The following CDH8 variants were observed in gnomAD, a reference collection of about 807,000 sequenced individuals.
CDH8 encodes the protein cadherin-8.
Under a neutral mutation model 68.1 loss-of-function variants are expected in CDH8, and 17 were observed. That is an observed-to-expected ratio of 0.25 (90% confidence interval 0.17 to 0.37). The LOEUF is 0.37. Among genes scored for constraint, CDH8 ranks in the 10% least tolerant of loss-of-function variants. The pLI is 1.00. For synonymous variants in CDH8, 372 were observed against 365.1 expected (o/e 1.02, Z -0.21); for missense variants, 763 against 999.3 (o/e 0.76, Z 3.19).
chr16:62,032,737 C>T (rs1043499282), intron 1 of CDH8, among the ~76,000 whole-genome samples: 3 of 152,098 alleles, frequency 2.0e-5, no homozygotes, highest in African/African-American at 4.8e-5. Flanking sequence ...GTTGGAAATA[C>T]GAATTGAATG....
At chr16:61,819,849 A>T (rs187205708) in intron 6 of CDH8, among the ~76,000 whole-genome samples, 1 of 152,226 alleles carries the variant, frequency 6.6e-6, no homozygotes, top group East Asian at 1.9e-4. Context: ...ATTTGAGAAC[A>T]AGCTAATCCA....
chr16:61,729,818 T>A (rs1959484020), intron 8 of CDH8, among the ~76,000 whole-genome samples: 1 of 151,448 alleles, frequency 6.6e-6, no homozygotes, highest in South Asian at 2.1e-4. Context: ...CTTAGAAAAC[T>A]GAAAGTATAA....
chr16:61,815,017 C>T (rs1033416244), intron 7 of CDH8, among the ~76,000 whole-genome samples: 2 of 152,090 alleles, frequency 1.3e-5, no homozygotes, highest in Non-Finnish European at 2.9e-5. Context: ...AATGACATGC[C>T]AAAGGCTGCT....
chr16:62,028,133 C>T (rs557467360), intron 1 of CDH8, among the ~76,000 whole-genome samples: 9 of 144,862 alleles, frequency 6.2e-5, no homozygotes, highest in African/African-American at 1.6e-4. Flanking sequence ...GGCACGATCT[C>T]GGCTCACTGC....
chr16:61,981,726 G>A (rs1342492649), intron 2 of CDH8, among the ~76,000 whole-genome samples: 1 of 151,774 alleles, frequency 6.6e-6, no homozygotes, highest in East Asian at 1.9e-4. Flanking sequence ...AATGAGAAAG[G>A]GATTCCTGGC....
At chr16:61,883,748 TACA>T (rs1299789081) in intron 3 of CDH8, among the ~76,000 whole-genome samples, 1 of 151,730 alleles carries the variant, frequency 6.6e-6, no homozygotes, top group Non-Finnish European at 1.5e-5. Context: ...AGCAGGGATT[TACA>T]ACAAGACCTC....
chr16:61,782,271 A>C (rs1485103198), intron 8 of CDH8, among the ~76,000 whole-genome samples: 3 of 152,210 alleles, frequency 2.0e-5, no homozygotes, highest in Admixed American at 6.5e-5. Flanking sequence ...GCATTGCCTC[A>C]CCTGGGAAGC....
Position 61,713,846 on chromosome 16 carries a change from T to A in CDH8, c.1649A>T (p.Asn550Ile). The change falls in exon 10 of 12, where the codon AAT becomes ATT. Residue 550 changes from asparagine to isoleucine, a missense_variant. By Grantham distance (149) the Asn-to-Ile change is moderately radical (BLOSUM62 -3). This residue lies in a region of CDH8 where 397 missense variants were observed against 436.2 expected (regional missense o/e 0.91). Transcript: ENST00000577390. The stretch of plus-strand genomic sequence containing the variant: ...CACAAAGCTAATATATTTACCTTCA[T>A]TTTTCTTGATGGTGAAATTCGGATT... ...VNNPNFTIKK[N>I]EDNSLSILAK... is the part of the protein sequence containing the mutation. The A allele has an allele frequency of 6.6e-7, 1 of 1,524,862 alleles. No individual in the cohort carries two copies. Among genetic ancestry groups the A allele is most frequent in the Non-Finnish European group, 9.1e-7 (1 of 1,099,876 alleles). The allele number at this position is 1,524,862 out of a possible 1,614,324, so 94.5% of individuals were successfully genotyped here. A position where few individuals can be genotyped will look rare whatever the true frequency, so the allele number is the denominator to read the frequency against.
chr16:61,777,850 T>C (rs1483635107), intron 8 of CDH8, among the ~76,000 whole-genome samples: 1 of 152,152 alleles, frequency 6.6e-6, no homozygotes, highest in Non-Finnish European at 1.5e-5. Flanking sequence ...TTCTTCCCTG[T>C]AGGAAATCAT....
chr16:61,856,103 T>G (rs138093910), intron 4 of CDH8, among the ~76,000 whole-genome samples: 14 of 152,254 alleles, frequency 9.2e-5, no homozygotes, highest in African/African-American at 3.4e-4. Context: ...GGGTAGTCTT[T>G]AAATTTTTAA....
chr16:61,740,869 T>A (rs535515843), intron 8 of CDH8, among the ~76,000 whole-genome samples: 24 of 152,186 alleles, frequency 1.6e-4, no homozygotes, highest in Non-Finnish European at 2.4e-4. Context: ...TGTCTTCTGA[T>A]GCAAAAATAT....
At chr16:61,960,347 AT>A (rs1965125469) in intron 2 of CDH8, among the ~76,000 whole-genome samples, 1 of 26,568 alleles carries the variant, frequency 3.8e-5, no homozygotes, top group Non-Finnish European at 6.8e-5. Flanking sequence ...ACATATATAC[AT>A]GTGTGTGTGT....
At chr16:61,761,705 T>C (rs1184203617) in intron 8 of CDH8, among the ~76,000 whole-genome samples, 1 of 152,108 alleles carries the variant, frequency 6.6e-6, no homozygotes, top group Non-Finnish European at 1.5e-5. Flanking sequence ...ATAACATTTT[T>C]ATAATGGCAA....
At chr16:61,934,330 A>G (rs1964593462) in intron 2 of CDH8, 1 of 146,782 alleles carries the variant, frequency 6.8e-6, no homozygotes, top group Admixed American at 6.8e-5. Flanking sequence ...AGCATAGCTT[A>G]TAACAACAAA....
intron 2 of CDH8, among the ~76,000 whole-genome samples, chr16:61,938,190 A>C (rs1398679591): frequency 6.6e-6 from 1 of 152,172 alleles, no homozygotes; most frequent in African/African-American, 2.4e-5. Flanking sequence ...AATGAAACAC[A>C]GATCTGTGTA....
At chr16:61,843,889 C>T (rs1056016648) in intron 4 of CDH8, among the ~76,000 whole-genome samples, 39 of 152,070 alleles carry the variant, frequency 2.6e-4, no homozygotes, top group Non-Finnish European at 4.6e-4. Context: ...TCCTCTCCAG[C>T]ACCTGTTGTT....
In CDH8 at chr16:62,021,466, G is replaced by A; in HGVS notation, c.-63C>T. ...CAATTATTTTTTTTGTCTCCGGTCT[G>A]CAGCCATCCAATTCATCATGCAGTG... On this transcript the variant is annotated 5_prime_UTR_variant, in exon 2 of 12. Transcript: ENST00000577390. 1 of 1,548,356 alleles carries A rather than the reference G, an allele frequency of 6.5e-7. No homozygotes were observed. The highest frequency in any genetic ancestry group is 1.9e-5 in the Admixed American group (1 of 52,834).
chr16:61,980,814 A>G (rs1965518438), intron 2 of CDH8, among the ~76,000 whole-genome samples: 1 of 152,228 alleles, frequency 6.6e-6, no homozygotes, highest in South Asian at 2.1e-4. Flanking sequence ...AATGTTTGTT[A>G]AAATATAATG....
chr16:61,992,390 A>G (rs534790390), intron 2 of CDH8, among the ~76,000 whole-genome samples: 7 of 138,896 alleles, frequency 5.0e-5, no homozygotes, highest in Non-Finnish European at 4.6e-5. Flanking sequence ...GAATTGAACA[A>G]TGAGAACACA....
Sources: gnomAD v4.1 joint callset for allele counts (sites outside exome capture counted in the v4.1 genomes callset) on GRCh38, gnomAD v4.1.1 for gene constraint, gnomAD v4.1.1 regional missense constraint, MANE v1.5 for transcripts, NCBI Gene and HGNC (gene_info 2026-07-23, HGNC 2026-07-21) for gene names.